Variants in RPS6KC1 observed in about 807,000 individuals in gnomAD.
The protein encoded by RPS6KC1 is inactive ribosomal protein S6 kinase delta-1.
A neutral mutation model predicts 103.8 loss-of-function variants in RPS6KC1; 54 were observed. That is an observed-to-expected ratio of 0.52 (90% confidence interval 0.42 to 0.65). The LOEUF (loss-of-function observed/expected upper bound fraction) is 0.65. RPS6KC1 is among the 30% of genes least tolerant of loss of function. RPS6KC1 has a pLI of 0.00. For synonymous variants in RPS6KC1, 439 were observed against 438.7 expected, an observed-to-expected ratio of 1.00 and a Z score of -0.01; for missense variants, 1,151 against 1,253.8, an observed-to-expected ratio of 0.92 and a Z score of 1.24.
chr1:213,109,652 T>C (rs2082828805), intron 4 of RPS6KC1, among the ~76,000 whole-genome samples: 2 of 152,224 alleles, frequency 1.3e-5, no homozygotes, highest in South Asian at 4.1e-4. Flanking sequence ...AATATTCTTT[T>C]GTGTGGCTAT....
At chr1:213,666,605 T>C in the RPS6KC1 span, among the ~76,000 whole-genome samples, 1 of 152,254 alleles carries the variant, frequency 6.6e-6, no homozygotes, top group Non-Finnish European at 1.5e-5. Flanking sequence ...AGCCAATATA[T>C]ATTTTGTCAA....
chr1:213,542,641 T>TTTATAACAG, the RPS6KC1 span, among the ~76,000 whole-genome samples: 3 of 152,226 alleles, frequency 2.0e-5, no homozygotes, highest in African/African-American at 7.2e-5. Flanking sequence ...ACTTTATAAC[T>TTTATAACAG]TAAGAGTCCC....
At chr1:213,707,320 T>C in the RPS6KC1 span, among the ~76,000 whole-genome samples, 2 of 152,210 alleles carry the variant, frequency 1.3e-5, no homozygotes, top group Non-Finnish European at 2.9e-5. Context: ...CTTTTTTTCA[T>C]ATGTTTATTG....
At chr1:213,252,957 A>C (rs1380451213) in intron 12 of RPS6KC1, among the ~76,000 whole-genome samples, 6 of 152,178 alleles carry the variant, frequency 3.9e-5, no homozygotes, top group Non-Finnish European at 7.4e-5. Flanking sequence ...TTTTTAATTA[A>C]ATTTTCTATG....
the RPS6KC1 span, among the ~76,000 whole-genome samples, chr1:213,652,623 G>A: frequency 2.0e-5 from 3 of 152,134 alleles, no homozygotes; most frequent in Admixed American, 1.3e-4. Flanking sequence ...TAGGCTTTGC[G>A]GCTTCTGGTT....
the RPS6KC1 span, among the ~76,000 whole-genome samples, chr1:213,741,071 A>C: frequency 6.7e-6 from 1 of 148,618 alleles, no homozygotes; most frequent in Non-Finnish European, 1.5e-5. Context: ...AATATATAGT[A>C]TATATAAATA....
chr1:213,756,064 C>T, the RPS6KC1 span, among the ~76,000 whole-genome samples: 1 of 152,322 alleles, frequency 6.6e-6, no homozygotes, highest in East Asian at 1.9e-4. Context: ...TCTCACACTG[C>T]AAGGCCCTAA....
chr1:213,810,723 TC>T, the RPS6KC1 span, among the ~76,000 whole-genome samples: 5 of 152,238 alleles, frequency 3.3e-5, no homozygotes, highest in African/African-American at 1.2e-4. Flanking sequence ...ACCAACACTT[TC>T]CAGGAGTCAG....
At chr1:213,466,938 A>G in the RPS6KC1 span, among the ~76,000 whole-genome samples, 1 of 152,070 alleles carries the variant, frequency 6.6e-6, no homozygotes, top group East Asian at 1.9e-4. Flanking sequence ...TTAATATTCT[A>G]TTAAATTGGC....
At chr1:213,712,178 T>G in the RPS6KC1 span, among the ~76,000 whole-genome samples, 4 of 152,268 alleles carry the variant, frequency 2.6e-5, no homozygotes, top group African/African-American at 9.6e-5. Context: ...AGCCTCTGAC[T>G]GGGGCTGCTG....
chr1:213,259,520 G>A (rs2094729380), intron 12 of RPS6KC1, among the ~76,000 whole-genome samples: 1 of 152,256 alleles, frequency 6.6e-6, no homozygotes, highest in East Asian at 1.9e-4. Context: ...CCAAGATTGT[G>A]CCACTGCACT....
intron 6 of RPS6KC1, among the ~76,000 whole-genome samples, chr1:213,166,615 A>G (rs2090986356): frequency 6.6e-6 from 1 of 152,134 alleles, no homozygotes. Context: ...AGCAATAGAA[A>G]TTTTCCCCCC....
intron 12 of RPS6KC1, among the ~76,000 whole-genome samples, chr1:213,259,052 C>G (rs890220300): frequency 1.1e-4 from 16 of 152,184 alleles, no homozygotes; most frequent in African/African-American, 3.9e-4. Context: ...CTTGACTCAA[C>G]CCAGGACTCC....
chr1:213,217,491 A>T (rs2093698051), intron 8 of RPS6KC1, among the ~76,000 whole-genome samples: 1 of 152,232 alleles, frequency 6.6e-6, no homozygotes, highest in African/African-American at 2.4e-5. Context: ...CAATCAATAG[A>T]AAAAGAGGGA....
the RPS6KC1 span, among the ~76,000 whole-genome samples, chr1:213,693,425 C>T: frequency 6.6e-6 from 1 of 152,368 alleles, no homozygotes; most frequent in East Asian, 1.9e-4. Context: ...GGACTACAAG[C>T]TCCTTCAAGG....
At chr1:213,361,599 T>C in the RPS6KC1 span, among the ~76,000 whole-genome samples, 4 of 152,184 alleles carry the variant, frequency 2.6e-5, no homozygotes, top group South Asian at 4.1e-4. Context: ...GGTACCTCAA[T>C]TGGAAATGCA....
the RPS6KC1 span, among the ~76,000 whole-genome samples, chr1:213,761,226 CAT>C: frequency 6.6e-6 from 1 of 151,976 alleles, no homozygotes; most frequent in African/African-American, 2.4e-5. Context: ...GAGATCAAGT[CAT>C]GAATTTCTGC....
At chr1:213,515,495 C>T in the RPS6KC1 span, among the ~76,000 whole-genome samples, 28 of 152,234 alleles carry the variant, frequency 1.8e-4, no homozygotes, top group Middle Eastern at 3.4e-3. Context: ...GAATCCTTTC[C>T]CCATTTCTTG....
At chr1:213,178,322 T>C (rs1356258666) in intron 8 of RPS6KC1, among the ~76,000 whole-genome samples, 1 of 151,872 alleles carries the variant, frequency 6.6e-6, no homozygotes, top group Non-Finnish European at 1.5e-5. Flanking sequence ...AGTGGATCAC[T>C]TGAGACCAGG....
Sources: allele counts gnomAD v4.1 joint callset (sites outside exome capture counted in the v4.1 genomes callset), GRCh38; gene constraint gnomAD v4.1.1; transcripts MANE v1.5; gene names NCBI Gene and HGNC (gene_info 2026-07-23, HGNC 2026-07-21).